The following C3orf33 variants were observed in gnomAD, a reference collection of about 807,000 sequenced individuals.
The protein encoded by C3orf33 is mitochondrial inner membrane subdomain organizer 1, also known as AP-1 activity suppressor.
Under a neutral mutation model 28.7 loss-of-function variants are expected in C3orf33, and 23 were observed. The observed-to-expected ratio is 0.80, with a 90% CI of 0.58 to 1.13. The LOEUF is 1.13. Among genes scored for constraint, C3orf33 ranks in the 50% most tolerant of loss-of-function variants. The pLI, the probability that C3orf33 is intolerant of heterozygous loss-of-function variation, is 0.00. For missense variants in C3orf33, 327 were observed against 353.4 expected (o/e 0.93, Z 0.60); for synonymous variants, 119 against 120.5 (o/e 0.99, Z 0.08).
Position 155,775,771 on chromosome 3 carries a change from G to C in C3orf33, c.252C>G (p.Arg84=), listed in dbSNP as rs1472370896. Residue 84 remains arginine, a synonymous_variant, in exon 3 of 5, where the codon CGC becomes CGG. Transcript: ENST00000340171. Reference sequence around the variant, plus strand: ...TTTCTAAACCATTCTCAGTTATTCGGCGTAATCGTCCACGTAGTTTAACAT... The same window carrying C: ...TTTCTAAACCATTCTCAGTTATTCGCCGTAATCGTCCACGTAGTTTAACAT... ...RRNVKLRGRL[R]RITENGLEIE... 2.5e-6 allele frequency: 4 copies of C among 1,593,826 alleles called. No homozygotes were observed. Among genetic ancestry groups the C allele is most frequent in the Admixed American group, 1.7e-5 (1 of 59,526 alleles).
intron 2 of C3orf33, among the ~76,000 whole-genome samples, chr3:155,785,958 T>A (rs1200301726): frequency 6.6e-6 from 1 of 151,370 alleles, no homozygotes; most frequent in Non-Finnish European, 1.5e-5. Context: ...GAGAATCACC[T>A]GAGACAGAGA....
At chr3:155,791,808 T>C (rs1381462540) in intron 2 of C3orf33, among the ~76,000 whole-genome samples, 2 of 151,914 alleles carry the variant, frequency 1.3e-5, no homozygotes, top group East Asian at 2.0e-4. Context: ...TCAGCCACAG[T>C]AGCATATAGC....
chr3:155,790,206 G>A lies in C3orf33; in HGVS notation c.174+12326C>T, dbSNP rs371232067. 1.4e-4 allele frequency among the ~76,000 whole-genome samples: 18 copies of A among 131,552 alleles called. No homozygotes were observed. The South Asian group carries it at 1.4e-3, about 11-fold the overall frequency. The allele number at this position is 131,552 out of a possible 152,430, so 86.3% of individuals were successfully genotyped here. On this transcript the variant is annotated intron_variant, in intron 2 of 4. Coordinates refer to ENST00000340171, the MANE Select transcript of C3orf33 (RefSeq NM_001308229.2). ...AAAAAAAAATTGGTGCTGAGAAAACGGAATATTCACATGCAAAAAAGAAAA... is the reference window on the plus strand; with the variant it reads ...AAAAAAAAATTGGTGCTGAGAAAACAGAATATTCACATGCAAAAAAGAAAA...
intron 2 of C3orf33, among the ~76,000 whole-genome samples, chr3:155,799,914 TG>T (rs1218980965): frequency 1.3e-5 from 2 of 152,012 alleles, no homozygotes; most frequent in African/African-American, 2.4e-5. Context: ...TGCCAGAACC[TG>T]GGAAGGGTAG....
chr3:155,800,715 C>G lies in C3orf33; in HGVS notation c.174+1817G>C, dbSNP rs141353350. 8.6e-5 allele frequency among the ~76,000 whole-genome samples: 12 copies of G among 139,698 alleles called. No individual in the cohort carries two copies. In the East Asian group the frequency reaches 2.7e-3, roughly 31 times the overall value. The allele number at this position is 139,698 out of a possible 152,430, so 91.6% of individuals were successfully genotyped here. A position where few individuals can be genotyped will look rare whatever the true frequency, so the allele number is the denominator to read the frequency against. On this transcript the variant is annotated intron_variant, in intron 2 of 4. Coordinates refer to ENST00000340171, the MANE Select transcript of C3orf33 (RefSeq NM_001308229.2). ...AATCAGGGACTCAGAATGTACAGAA[C>G]TCCTAAAATTCAACAACAAAAAAAC...
Position 155,763,059 on chromosome 3 carries a change from G to C in C3orf33, c.*458C>G, listed in dbSNP as rs146299270. On this transcript the variant is annotated 3_prime_UTR_variant, in exon 5 of 5. Transcript: ENST00000340171. The stretch of plus-strand genomic sequence containing the variant: ...TGCCTGTAATCCCAGCTACTCAGGA[G>C]GCTGAGGCAGGAGAATCGCTTGAAC... 0.011 allele frequency: 1,725 copies of C among 152,648 alleles called. 44 individuals are homozygous for C. The highest frequency in any genetic ancestry group is 0.04 in the African/African-American group (1,667 of 41,424). The allele number at this position is 152,648 out of a possible 1,614,324, so 9.5% of individuals were successfully genotyped here. A position where few individuals can be genotyped will look rare whatever the true frequency, so the allele number is the denominator to read the frequency against.
intron 4 of C3orf33, 57 bp from the exon 5 acceptor site, chr3:155,763,975 CA>C: frequency 1.7e-6 from 2 of 1,191,340 alleles, no homozygotes; most frequent in Non-Finnish European, 2.2e-6. Flanking sequence ...TTATACCCAT[CA>C]CATCTTATTT....
At chr3:155,785,466 A>C (rs1751073134) in intron 2 of C3orf33, among the ~76,000 whole-genome samples, 1 of 152,246 alleles carries the variant, frequency 6.6e-6, no homozygotes, top group Admixed American at 6.5e-5. Flanking sequence ...CCACAAATTA[A>C]GTCTTAGTAA....
intron 2 of C3orf33, among the ~76,000 whole-genome samples, chr3:155,781,043 T>C (rs1750905576): frequency 6.7e-6 from 1 of 150,198 alleles, no homozygotes; most frequent in Non-Finnish European, 1.5e-5. Context: ...CAGGTGGGAC[T>C]GCGGACTGCA....
chr3:155,770,704 T>C (rs1383661371), intron 3 of C3orf33, among the ~76,000 whole-genome samples: 1 of 152,174 alleles, frequency 6.6e-6, no homozygotes, highest in African/African-American at 2.4e-5. Context: ...GTTTCTTTCT[T>C]GTCACCCAGG....
intron 2 of C3orf33, among the ~76,000 whole-genome samples, chr3:155,781,123 G>A (rs925790161): frequency 5.3e-5 from 8 of 151,064 alleles, no homozygotes; most frequent in Admixed American, 1.3e-4. Context: ...TCAGCCTCCC[G>A]AGTAGCTGGG....
intron 2 of C3orf33, among the ~76,000 whole-genome samples, chr3:155,794,323 A>G (rs1003353495): frequency 6.6e-6 from 1 of 152,136 alleles, no homozygotes; most frequent in African/African-American, 2.4e-5. Flanking sequence ...TCGGTTTAAA[A>G]TAACAGGTGA....
In C3orf33 at chr3:155,782,771, G is replaced by T. The variant is rs543861135; in HGVS notation, c.175-6923C>A. 1.2e-4 allele frequency among the ~76,000 whole-genome samples: 18 copies of T among 152,272 alleles called. No individual in the cohort carries two copies. The East Asian group carries it at 3.3e-3, about 28-fold the overall frequency. On this transcript the variant is annotated intron_variant, in intron 2 of 4. Transcript: ENST00000340171. ...ACTAGTGCTACAGGTTGCAATGAAA[G>T]GACACTAGACAGTAACTTGAAGCCA...
chr3:155,770,134 G>C (rs1284190606), intron 3 of C3orf33, among the ~76,000 whole-genome samples: 2 of 152,176 alleles, frequency 1.3e-5, no homozygotes, highest in Non-Finnish European at 2.9e-5. Flanking sequence ...CACAACTCAG[G>C]TTCCCTCTCT....
At position 155,767,582 on chromosome 3, in the gene C3orf33, G is replaced by T. The variant is rs367615105; in HGVS notation, c.410C>A (p.Pro137His). ...AAGTTGGAACCATAGTAATTGGGAAGGTTTTAGCTCTTTTTGTAACCATGC... is the reference window on the plus strand; with the variant it reads ...AAGTTGGAACCATAGTAATTGGGAATGTTTTAGCTCTTTTTGTAACCATGC... ...GKAWLQKELK[P>H]SQLLWFQLLG... Residue 137 changes from proline to histidine, a missense_variant, in exon 4 of 5, where the codon CCT (proline) becomes CAT (histidine). Coordinates refer to ENST00000340171, the MANE Select transcript of C3orf33 (RefSeq NM_001308229.2). 4.4e-5 allele frequency: 71 copies of T among 1,597,208 alleles called. 1 individual carries two copies. Among genetic ancestry groups the T allele is most frequent in the Admixed American group, 3.1e-4 (18 of 58,958 alleles).
chr3:155,766,509 G>A (rs982671737), intron 4 of C3orf33, among the ~76,000 whole-genome samples: 3 of 152,200 alleles, frequency 2.0e-5, no homozygotes, highest in East Asian at 3.8e-4. Flanking sequence ...TAAGCAAACC[G>A]TCAGAAAACA....
chr3:155,779,576 T>A (rs980510017), intron 2 of C3orf33, among the ~76,000 whole-genome samples: 1 of 151,984 alleles, frequency 6.6e-6, no homozygotes, highest in Non-Finnish European at 1.5e-5. Context: ...ATTACAGGCG[T>A]GAGCCACCGT....
chr3:155,800,025 AG>A (rs2109281490), intron 2 of C3orf33, among the ~76,000 whole-genome samples: 1 of 152,340 alleles, frequency 6.6e-6, no homozygotes, highest in African/African-American at 2.4e-5. Flanking sequence ...GGGTGACTAC[AG>A]TCAACAATAA....
chr3:155,789,377 T>C (rs1371272517), intron 2 of C3orf33, among the ~76,000 whole-genome samples: 3 of 146,014 alleles, frequency 2.1e-5, no homozygotes, highest in Non-Finnish European at 4.5e-5. Flanking sequence ...CCATTTATAA[T>C]AACATCACAA....
Sources: gnomAD v4.1 joint callset for allele counts (sites outside exome capture counted in the v4.1 genomes callset) on GRCh38, gnomAD v4.1.1 for gene constraint, MANE v1.5 for transcripts, NCBI Gene and HGNC (gene_info 2026-07-23, HGNC 2026-07-21) for gene names.